The following KCNB2 variants were observed in gnomAD, a reference collection of about 807,000 sequenced individuals.
KCNB2 encodes the protein potassium voltage-gated channel subfamily B member 2, also known as delayed rectifier potassium channel protein.
KCNB2 carries 15 observed loss-of-function variants against 61.5 expected under a neutral mutation model. That is an observed-to-expected ratio of 0.24 (90% CI 0.16 to 0.38). The LOEUF (loss-of-function observed/expected upper bound fraction) is 0.38, where lower values mean the gene tolerates loss of function less well. Ranked by LOEUF, KCNB2 falls within the 10% of genes least tolerant of loss-of-function variation. The pLI, the probability that KCNB2 is intolerant of heterozygous loss-of-function variation, is 1.00. For synonymous variants in KCNB2, 457 were observed against 446.0 expected, an observed-to-expected ratio of 1.02 and a Z score of -0.31; for missense variants, 828 against 1,125.2, an observed-to-expected ratio of 0.74 and a Z score of 3.78.
At chr8:72,917,481 A>T (rs2981083) in intron 2 of KCNB2, among the ~76,000 whole-genome samples, 93,758 of 151,994 alleles carry the variant, frequency 0.62, 30,031 homozygotes, top group Middle Eastern at 0.72. Flanking sequence ...TTAGAAAAAA[A>T]TCCAGAGTTA....
At chr8:72,830,250 A>AG (rs1809670972) in intron 2 of KCNB2, among the ~76,000 whole-genome samples, 2 of 142,512 alleles carry the variant, frequency 1.4e-5, no homozygotes, top group Non-Finnish European at 3.1e-5. Context: ...AAAAAAAAAA[A>AG]GCAGGGAGGG....
At chr8:72,613,692 T>C (rs973277986) in intron 2 of KCNB2, among the ~76,000 whole-genome samples, 1 of 152,200 alleles carries the variant, frequency 6.6e-6, no homozygotes, top group Non-Finnish European at 1.5e-5. Context: ...CCGATGACCA[T>C]ATTCACGCCT....
intron 2 of KCNB2, among the ~76,000 whole-genome samples, chr8:72,786,400 A>C (rs1808846773): frequency 6.6e-6 from 1 of 152,168 alleles, no homozygotes; most frequent in Non-Finnish European, 1.5e-5. Flanking sequence ...CCCATGTTTA[A>C]GAATCTACCC....
chr8:72,614,155 A>AT (rs998984100), intron 2 of KCNB2, among the ~76,000 whole-genome samples: 1 of 152,218 alleles, frequency 6.6e-6, no homozygotes, highest in Non-Finnish European at 1.5e-5. Context: ...CTTGTTTCTG[A>AT]TAACATCACA....
chr8:72,806,355 G>GA (rs113106261), intron 2 of KCNB2, among the ~76,000 whole-genome samples: 20,265 of 97,318 alleles, frequency 0.21, 1,699 homozygotes, highest in Middle Eastern at 0.36. Context: ...GAGACTCTAA[G>GA]AAAAAAAAAA....
Position 72,666,685 on chromosome 8 carries a change from T to C in KCNB2, c.579+98372T>C, listed in dbSNP as rs1340567917. 2.7e-5 allele frequency among the ~76,000 whole-genome samples: 4 copies of C among 149,680 alleles called. No homozygotes were observed. The South Asian group carries it at 6.3e-4, about 24-fold the overall frequency. On this transcript the variant is annotated intron_variant, in intron 2 of 2. Transcript: ENST00000523207. The stretch of plus-strand genomic sequence containing the variant: ...TTTTTTTTTTGAGACAGAGTCTTGC[T>C]CTTGTCGCCCAGGCTGGAGTGCAGT...
chr8:72,909,767 G>A (rs1585969207), intron 2 of KCNB2, among the ~76,000 whole-genome samples: 2 of 152,090 alleles, frequency 1.3e-5, no homozygotes, highest in Admixed American at 6.6e-5. Context: ...GGGACTGATT[G>A]GATGATAAGG....
intron 1 of KCNB2, among the ~76,000 whole-genome samples, chr8:72,550,835 G>T (rs1056973179): frequency 6.6e-6 from 1 of 152,166 alleles, no homozygotes; most frequent in Non-Finnish European, 1.5e-5. Flanking sequence ...TCTTCCTAGG[G>T]AATGTCCTGG....
chr8:72,926,681 C>T (rs1272491916), intron 2 of KCNB2, among the ~76,000 whole-genome samples: 3 of 152,144 alleles, frequency 2.0e-5, no homozygotes, highest in African/African-American at 7.2e-5. Context: ...GTTGGAGCTA[C>T]TCAATCTTCC....
chr8:72,589,866 G>GCA (rs1488235614), intron 2 of KCNB2, among the ~76,000 whole-genome samples: 1 of 152,176 alleles, frequency 6.6e-6, no homozygotes, highest in Non-Finnish European at 1.5e-5. Flanking sequence ...CTAAGGGCAG[G>GCA]CATGTGACCA....
chr8:72,644,734 C>G (rs1585803548), intron 2 of KCNB2, among the ~76,000 whole-genome samples: 1 of 151,978 alleles, frequency 6.6e-6, no homozygotes, highest in Admixed American at 6.6e-5. Context: ...TACAACTTTC[C>G]CTGTGCCAGG....
chr8:72,698,297 A>C (rs560535752), intron 2 of KCNB2, among the ~76,000 whole-genome samples: 16 of 152,104 alleles, frequency 1.1e-4, no homozygotes, highest in Middle Eastern at 6.8e-3. Context: ...AATACCTAGG[A>C]ATACATGTAA....
intron 2 of KCNB2, among the ~76,000 whole-genome samples, chr8:72,747,233 G>A (rs1808090586): frequency 6.6e-6 from 1 of 152,148 alleles, no homozygotes; most frequent in Non-Finnish European, 1.5e-5. Flanking sequence ...GGCAAGGCAG[G>A]GCAAACAGGT....
intron 2 of KCNB2, among the ~76,000 whole-genome samples, chr8:72,768,000 C>T (rs1415212594): frequency 6.6e-6 from 1 of 152,034 alleles, no homozygotes; most frequent in Non-Finnish European, 1.5e-5. Flanking sequence ...TGTTTATTGG[C>T]CTTTGTATAT....
chr8:72,771,751 A>G lies in KCNB2; in HGVS notation c.580-164184A>G, dbSNP rs371797652. 1.8e-4 allele frequency among the ~76,000 whole-genome samples: 28 copies of G among 152,224 alleles called. No homozygotes were observed. In the East Asian group the frequency reaches 2.9e-3, roughly 16 times the overall value. ...GTATGAGGGAAGTCTTGCCAGGGTC[A>G]AAAGCCAGGTATTCAAGGAGCTGGA... On this transcript the variant is annotated intron_variant, in intron 2 of 2. Transcript: ENST00000523207.
At chr8:72,842,473 C>G (rs747976950) in intron 2 of KCNB2, among the ~76,000 whole-genome samples, 4 of 152,180 alleles carry the variant, frequency 2.6e-5, no homozygotes, top group Non-Finnish European at 5.9e-5. Flanking sequence ...AGGATTCCCT[C>G]TTTTTCTATT....
chr8:72,666,860 T>C (rs981908603), intron 2 of KCNB2, among the ~76,000 whole-genome samples: 2 of 148,888 alleles, frequency 1.3e-5, no homozygotes, highest in African/African-American at 5.1e-5. Flanking sequence ...TAGAAATTTC[T>C]TCAATTCTTA....
chr8:72,715,546 T>C (rs1313914221), intron 2 of KCNB2, among the ~76,000 whole-genome samples: 2 of 151,096 alleles, frequency 1.3e-5, no homozygotes, highest in East Asian at 3.9e-4. Flanking sequence ...CTGAACAACC[T>C]GCTCCTGAAT....
chr8:72,919,261 A>G (rs1806458958), intron 2 of KCNB2, among the ~76,000 whole-genome samples: 1 of 152,168 alleles, frequency 6.6e-6, no homozygotes, highest in Admixed American at 6.5e-5. Context: ...TCGTGGCCGA[A>G]GTGGAGTTCC....
Sources: gnomAD v4.1 joint callset for allele counts (sites outside exome capture counted in the v4.1 genomes callset) on GRCh38, gnomAD v4.1.1 for gene constraint, MANE v1.5 for transcripts, NCBI Gene and HGNC (gene_info 2026-07-23, HGNC 2026-07-21) for gene names.